The following ORC4 variants were observed in gnomAD, a reference collection of about 807,000 sequenced individuals.
The protein encoded by ORC4 is origin recognition complex subunit 4.
Under a neutral mutation model 63.9 loss-of-function variants are expected in ORC4, and 55 were observed. The observed-to-expected ratio is 0.86, with a 90% CI of 0.69 to 1.08. ORC4 has a LOEUF of 1.08. ORC4 is among the 50% of genes least tolerant of loss of function. ORC4 has a pLI of 0.00. For synonymous variants in ORC4, 150 were observed against 168.5 expected (o/e 0.89, Z 0.85); for missense variants, 511 against 504.4 (o/e 1.01, Z -0.13).
At chr2:148,003,581 C>G (rs1444993242) in intron 1 of ORC4, among the ~76,000 whole-genome samples, 1 of 152,150 alleles carries the variant, frequency 6.6e-6, no homozygotes, top group East Asian at 1.9e-4. Flanking sequence ...TAAAAACTCT[C>G]AATAAACTAA....
intron 1 of ORC4, among the ~76,000 whole-genome samples, chr2:147,999,992 T>G (rs1299841836): frequency 6.7e-6 from 1 of 149,208 alleles, no homozygotes; most frequent in Non-Finnish European, 1.5e-5. Context: ...CCTTGGAAAT[T>G]AAAAGTATGA....
intron 10 of ORC4, among the ~76,000 whole-genome samples, chr2:147,940,111 A>C (rs1030234604): frequency 1.3e-5 from 2 of 152,116 alleles, no homozygotes; most frequent in Non-Finnish European, 2.9e-5. Flanking sequence ...TGGGACCTAG[A>C]TTGCCAGTGC....
chr2:147,963,454 C>T (rs189372200), intron 4 of ORC4, among the ~76,000 whole-genome samples: 10 of 152,244 alleles, frequency 6.6e-5, no homozygotes, highest in Non-Finnish European at 1.2e-4. Flanking sequence ...TAGCCTTGTG[C>T]CTGCATCCTA....
At position 147,940,774 on chromosome 2, in the gene ORC4, C is replaced by T. The variant is rs539039088; in HGVS notation, c.850-1526G>A. Among the ~76,000 whole-genome samples the T allele has an allele frequency of 8.5e-5, 13 of 152,126 alleles. No homozygotes were observed. The South Asian group carries it at 2.5e-3, about 29-fold the overall frequency. ...AACTCAGGAATGGAAAACCAAACATCGTATGTTCTCACTGATATGATATGT... is the reference window on the plus strand; with the variant it reads ...AACTCAGGAATGGAAAACCAAACATTGTATGTTCTCACTGATATGATATGT... On this transcript the variant is annotated intron_variant, in intron 10 of 13. Transcript: ENST00000392857.
intron 1 of ORC4, among the ~76,000 whole-genome samples, chr2:148,000,892 T>G (rs1291179719): frequency 1.3e-5 from 2 of 152,004 alleles, no homozygotes; most frequent in African/African-American, 4.8e-5. Context: ...GGGATGTTTG[T>G]GGAAAAAGGC....
intron 13 of ORC4, chr2:147,936,954 G>A (rs1232455076): frequency 6.8e-6 from 1 of 146,248 alleles, no homozygotes; most frequent in African/African-American, 2.5e-5. Flanking sequence ...GGAGGCAGAG[G>A]TTGCAGTGAG....
chr2:147,951,865 TA>T (rs1688977022), intron 8 of ORC4, among the ~76,000 whole-genome samples: 1 of 152,202 alleles, frequency 6.6e-6, no homozygotes, highest in Non-Finnish European at 1.5e-5. Flanking sequence ...GTGATAGTGA[TA>T]TTGAGACTAT....
At position 147,930,953 on chromosome 2, in the gene ORC4, CCACT is replaced by C. The variant is rs1438252191; in HGVS notation, c.*4553_*4556del. On this transcript the variant is annotated 3_prime_UTR_variant, in exon 14 of 14. Coordinates refer to ENST00000392857, the MANE Select transcript of ORC4 (RefSeq NM_181741.4). ...CATGTGCCATGCTGGTGCGCTGCAC[CCACT>C]AACTCGTCATCTAGCATTAGGTATA... The C allele has an allele frequency of 6.7e-6, 1 of 150,230 alleles. No homozygotes were observed. The highest frequency in any genetic ancestry group is 6.7e-5 in the Admixed American group (1 of 15,036). 9.3% of individuals were successfully genotyped at this position (150,230 alleles called of 1,614,324 possible).
Position 147,932,587 on chromosome 2 carries a change from T to C in ORC4, c.*2923A>G, listed in dbSNP as rs769198941. 3 of 152,168 alleles carry C rather than the reference T, an allele frequency of 2.0e-5. No homozygotes were observed. Among genetic ancestry groups the C allele is most frequent in the African/African-American group, 4.8e-5 (2 of 41,436 alleles). 9.4% of individuals were successfully genotyped at this position (152,168 alleles called of 1,614,324 possible). On this transcript the variant is annotated 3_prime_UTR_variant, in exon 14 of 14. Coordinates refer to ENST00000392857, the MANE Select transcript of ORC4 (RefSeq NM_181741.4). The stretch of plus-strand genomic sequence containing the variant: ...ACCTTGACAACTGCAAGAATGAGGA[T>C]AGTGGTGAGTGAAGGGAGATTTGTT...
chr2:147,991,151 G>A (rs1331769820), intron 1 of ORC4, among the ~76,000 whole-genome samples: 2 of 150,858 alleles, frequency 1.3e-5, no homozygotes, highest in Non-Finnish European at 2.9e-5. Context: ...GGGTTCAAGC[G>A]ATTCTCCTGC....
At chr2:147,942,230 C>A (rs1468381693) in intron 10 of ORC4, among the ~76,000 whole-genome samples, 1 of 152,056 alleles carries the variant, frequency 6.6e-6, no homozygotes, top group Non-Finnish European at 1.5e-5. Flanking sequence ...TTAAAAATGA[C>A]CTTTCTATGA....
At chr2:147,997,781 T>C (rs1692057965) in intron 1 of ORC4, among the ~76,000 whole-genome samples, 1 of 152,220 alleles carries the variant, frequency 6.6e-6, no homozygotes, top group Non-Finnish European at 1.5e-5. Flanking sequence ...ATTATGTTTG[T>C]AACTTTAAAA....
chr2:147,983,968 C>T (rs1372034132), intron 1 of ORC4, among the ~76,000 whole-genome samples: 1 of 152,196 alleles, frequency 6.6e-6, no homozygotes, highest in African/African-American at 2.4e-5. Flanking sequence ...AGAAAACAAA[C>T]TGACATTAGA....
chr2:147,992,953 C>T (rs1033949893), intron 1 of ORC4, among the ~76,000 whole-genome samples: 1 of 152,202 alleles, frequency 6.6e-6, no homozygotes, highest in Non-Finnish European at 1.5e-5. Flanking sequence ...AAAGACATAT[C>T]TGACCTATTC....
intron 1 of ORC4, among the ~76,000 whole-genome samples, chr2:147,989,388 C>G (rs1376861508): frequency 2.0e-5 from 3 of 152,024 alleles, no homozygotes; most frequent in Non-Finnish European, 4.4e-5. Context: ...TTTTCTCATA[C>G]CCATTTGTTA....
At chr2:147,954,369 A>G (rs1689131043) in intron 7 of ORC4, among the ~76,000 whole-genome samples, 3 of 152,166 alleles carry the variant, frequency 2.0e-5, no homozygotes, top group South Asian at 4.1e-4. Context: ...CTAACAGTGT[A>G]CTTACCCAAG....
chr2:148,005,706 C>G (rs1207265811), intron 1 of ORC4, among the ~76,000 whole-genome samples: 2 of 144,350 alleles, frequency 1.4e-5, no homozygotes, highest in East Asian at 4.1e-4. Context: ...TCAGCTGGCA[C>G]AGTGGTACAT....
At chr2:147,949,257 A>C (rs1033645431) in intron 8 of ORC4, among the ~76,000 whole-genome samples, 7 of 152,024 alleles carry the variant, frequency 4.6e-5, no homozygotes, top group Non-Finnish European at 7.4e-5. Context: ...ACACAACAGA[A>C]TATTATTTGG....
At chr2:147,976,398 A>T (rs1357893181) in intron 1 of ORC4, among the ~76,000 whole-genome samples, 1 of 152,162 alleles carries the variant, frequency 6.6e-6, no homozygotes, top group African/African-American at 2.4e-5. Context: ...TATACTGTAA[A>T]TATAAATTTT....
Sources: allele counts gnomAD v4.1 joint callset (sites outside exome capture counted in the v4.1 genomes callset), GRCh38; gene constraint gnomAD v4.1.1; transcripts MANE v1.5; gene names NCBI Gene and HGNC (gene_info 2026-07-23, HGNC 2026-07-21).